CDK15: variants seen among roughly 807,000 people sequenced by gnomAD.
CDK15 encodes the protein cyclin-dependent kinase 15.
Under a neutral mutation model 60.3 loss-of-function variants are expected in CDK15, and 62 were observed. The observed-to-expected ratio is 1.03, with a 90% CI of 0.84 to 1.27. CDK15 has a LOEUF of 1.27. Among genes scored for constraint, CDK15 ranks in the 50% most tolerant of loss-of-function variants. CDK15 has a pLI of 0.00. For missense variants in CDK15, 541 were observed against 527.8 expected, an observed-to-expected ratio of 1.03 and a Z score of -0.25; for synonymous variants, 194 against 195.7, an observed-to-expected ratio of 0.99 and a Z score of 0.07.
intron 10 of CDK15, chr2:201,860,683 G>A (rs1296885732): frequency 2.2e-6 from 3 of 1,350,470 alleles, no homozygotes; most frequent in Non-Finnish European, 2.0e-6. Flanking sequence ...TAAGCGACAG[G>A]CCAAGGGATG....
At chr2:201,892,123 C>A (rs1292577775) in intron 13 of CDK15, among the ~76,000 whole-genome samples, 1 of 152,164 alleles carries the variant, frequency 6.6e-6, no homozygotes, top group Non-Finnish European at 1.5e-5. Context: ...ATAGCTGATC[C>A]TCAGAGCATT....
At chr2:201,872,097 C>T (rs367873108) in intron 10 of CDK15, among the ~76,000 whole-genome samples, 181 bp from the exon 11 acceptor site, 6 of 152,160 alleles carry the variant, frequency 3.9e-5, no homozygotes, top group East Asian at 1.9e-4. Flanking sequence ...TAATAGTGAC[C>T]TTTCACCAAA....
chr2:201,891,443 G>A (rs942752625), intron 13 of CDK15, among the ~76,000 whole-genome samples: 2 of 152,206 alleles, frequency 1.3e-5, no homozygotes, highest in African/African-American at 4.8e-5. Context: ...CCTGGTAAGG[G>A]TAACAAACAA....
At chr2:201,810,442 GC>G (rs1695706004) in intron 3 of CDK15, among the ~76,000 whole-genome samples, 1 of 151,008 alleles carries the variant, frequency 6.6e-6, no homozygotes, top group African/African-American at 2.4e-5. Context: ...GGACACAGGA[GC>G]CAACCGAAAG....
intron 7 of CDK15, 116 bp from the exon 8 acceptor site, chr2:201,835,527 A>G (rs920975659): frequency 9.6e-6 from 11 of 1,144,090 alleles, no homozygotes; most frequent in Admixed American, 5.3e-5. Context: ...TAGTTCTACT[A>G]AAAGCACCTA....
chr2:201,814,444 A>G (rs1329301514), intron 4 of CDK15, among the ~76,000 whole-genome samples: 1 of 152,188 alleles, frequency 6.6e-6, no homozygotes, highest in Admixed American at 6.5e-5. Context: ...CCAACAATGA[A>G]TGTTTCTTTT....
intron 12 of CDK15, chr2:201,888,563 C>T: frequency 1.4e-6 from 2 of 1,469,148 alleles, no homozygotes; most frequent in Middle Eastern, 1.8e-4. Context: ...GAGAGCCGCG[C>T]TGCAGCTTTT....
chr2:201,888,702 C>T, intron 12 of CDK15: 2 of 1,308,154 alleles, frequency 1.5e-6, no homozygotes, highest in Non-Finnish European at 1.9e-6. Context: ...CCAGCATGTT[C>T]TGCCAGATAG....
At chr2:201,826,185 G>T (rs1226875994) in intron 6 of CDK15, among the ~76,000 whole-genome samples, 1 of 152,196 alleles carries the variant, frequency 6.6e-6, no homozygotes, top group Admixed American at 6.5e-5. Flanking sequence ...GATCGGCCGG[G>T]CGCAGTGGCT....
At position 201,806,787 on chromosome 2, in the gene CDK15, G is replaced by C; in HGVS notation, c.123G>C (p.Lys41Asn). ...SQPETTEAAF[K>N]LTDLKEASCS... is the part of the protein sequence containing the mutation. Reference sequence around the variant, plus strand: ...CTGAGACCACGGAGGCTGCGTTCAAGGTATTTGTATCCCAGGAGAGAGCAT... The same window carrying C: ...CTGAGACCACGGAGGCTGCGTTCAACGTATTTGTATCCCAGGAGAGAGCAT... The change falls in exon 1 of 14, where the codon AAG becomes AAC. Residue 41 changes from lysine to asparagine, a missense_variant and splice_region_variant. Transcript: ENST00000652192. 1 of 1,598,356 alleles carries C rather than the reference G, an allele frequency of 6.3e-7. No individual in the cohort carries two copies. The highest frequency in any genetic ancestry group is 8.5e-7 in the Non-Finnish European group (1 of 1,179,594).
chr2:201,824,808 A>G, intron 6 of CDK15: 1 of 679,324 alleles, frequency 1.5e-6, no homozygotes, highest in Middle Eastern at 6.3e-4. Flanking sequence ...ACCCTCAGCC[A>G]TCTGAAGGAC....
At chr2:201,824,688 G>T in intron 6 of CDK15, 1 of 382,136 alleles carries the variant, frequency 2.6e-6, no homozygotes, top group South Asian at 3.3e-5. Flanking sequence ...CTAATGGAAT[G>T]GTGAACCCAA....
intron 4 of CDK15, among the ~76,000 whole-genome samples, chr2:201,818,104 T>G (rs1696068974): frequency 1.3e-5 from 2 of 152,214 alleles, no homozygotes; most frequent in Non-Finnish European, 2.9e-5. Context: ...CTCATTACAA[T>G]TGGCCTGGCT....
chr2:201,874,688 G>C (rs768073893), intron 11 of CDK15, among the ~76,000 whole-genome samples: 2 of 152,136 alleles, frequency 1.3e-5, no homozygotes, highest in African/African-American at 4.8e-5. Context: ...ATGAATCCCC[G>C]GGGCTTGCTT....
chr2:201,807,426 A>AG (rs1695559854), intron 1 of CDK15, 68 bp from the exon 2 acceptor site: 2 of 1,495,208 alleles, frequency 1.3e-6, no homozygotes, highest in Non-Finnish European at 1.8e-6. Context: ...TAAAGAAAAA[A>AG]TGGTTTTACC....
chr2:201,808,087 A>G, intron 3 of CDK15, 135 bp downstream of exon 3: 1 of 637,742 alleles, frequency 1.6e-6, no homozygotes. Flanking sequence ...GCCGACAGGG[A>G]GAGAGACATG....
At chr2:201,872,175 T>G (rs1698870936) in intron 10 of CDK15, 103 bp from the exon 11 acceptor site, 3 of 1,245,874 alleles carry the variant, frequency 2.4e-6, no homozygotes, top group Non-Finnish European at 2.4e-6. Flanking sequence ...TGAATCATTT[T>G]TTTAAACCAA....
At chr2:201,852,303 A>G (rs1217261509) in intron 9 of CDK15, among the ~76,000 whole-genome samples, 1 of 152,200 alleles carries the variant, frequency 6.6e-6, no homozygotes, top group East Asian at 1.9e-4. Context: ...CCTGAAAGCA[A>G]TGGGTCCATT....
chr2:201,820,999 C>A (rs1172366208), intron 4 of CDK15, among the ~76,000 whole-genome samples: 2 of 152,108 alleles, frequency 1.3e-5, no homozygotes, highest in African/African-American at 4.8e-5. Context: ...GATCTGATAA[C>A]TACAGGCTGG....
Sources: allele counts gnomAD v4.1 joint callset (sites outside exome capture counted in the v4.1 genomes callset), GRCh38; gene constraint gnomAD v4.1.1; transcripts MANE v1.5; gene names NCBI Gene and HGNC (gene_info 2026-07-23, HGNC 2026-07-21).